Variants in ATG5 observed in about 807,000 individuals in gnomAD.
ATG5 encodes autophagy related 5.
A neutral mutation model predicts 36.5 loss-of-function variants in ATG5; 14 were observed. The observed-to-expected ratio is 0.38, with a 90% CI of 0.25 to 0.60. The LOEUF is 0.60. Among genes scored for constraint, ATG5 ranks in the 20% least tolerant of loss-of-function variants. ATG5 has a pLI of 0.60. For missense variants in ATG5, 195 were observed against 326.7 expected (o/e 0.60, Z 3.11); for synonymous variants, 95 against 101.5 (o/e 0.94, Z 0.38).
chr6:106,300,412 C>T (rs1770156687), intron 3 of ATG5, among the ~76,000 whole-genome samples: 1 of 152,138 alleles, frequency 6.6e-6, no homozygotes, highest in South Asian at 2.1e-4. Context: ...AAGCATTTTG[C>T]TAAAATCTAC....
At chr6:106,252,259 A>C (rs1166794737) in intron 5 of ATG5, among the ~76,000 whole-genome samples, 1 of 152,196 alleles carries the variant, frequency 6.6e-6, no homozygotes, top group Non-Finnish European at 1.5e-5. Flanking sequence ...TACTGATGTT[A>C]GTTTCTTTTT....
intron 5 of ATG5, among the ~76,000 whole-genome samples, chr6:106,251,524 A>AT (rs893919459): frequency 4.7e-5 from 7 of 149,000 alleles, no homozygotes; most frequent in African/African-American, 1.7e-4. Context: ...GGAAGACACG[A>AT]TAAAAAAAAA....
intron 6 of ATG5, among the ~76,000 whole-genome samples, chr6:106,230,992 C>T (rs1194848340): frequency 6.6e-6 from 1 of 152,082 alleles, no homozygotes; most frequent in Non-Finnish European, 1.5e-5. Context: ...CTCCCTACCC[C>T]AGCATCCCCC....
In ATG5 at chr6:106,185,023, A is replaced by T. The variant is rs1267561394; in HGVS notation, c.*1517T>A. 5.2e-5 allele frequency: 8 copies of T among 152,466 alleles called. No individual in the cohort carries two copies. The highest frequency in any genetic ancestry group is 5.2e-4 in the Admixed American group (8 of 15,284). The allele number at this position is 152,466 out of a possible 1,614,324, so 9.4% of individuals were successfully genotyped here. On this transcript the variant is annotated 3_prime_UTR_variant, in exon 8 of 8. Transcript: ENST00000369076. ...CTTTACTAAAATGGCACTTTCGTTT[A>T]CATCAACCAATTATTTTCTACTTGC...
At chr6:106,277,518 T>C (rs1475923481) in intron 5 of ATG5, among the ~76,000 whole-genome samples, 1 of 152,214 alleles carries the variant, frequency 6.6e-6, no homozygotes, top group Non-Finnish European at 1.5e-5. Context: ...CCGTTGGTTA[T>C]AAATATACAC....
intron 2 of ATG5, among the ~76,000 whole-genome samples, chr6:106,310,831 TAAC>T (rs1438238310): frequency 6.6e-6 from 1 of 152,234 alleles, no homozygotes; most frequent in Admixed American, 6.5e-5. Context: ...TTATTTCACT[TAAC>T]ATATGTCTTC....
chr6:106,227,355 G>C (rs1777487777), intron 6 of ATG5, among the ~76,000 whole-genome samples: 1 of 152,164 alleles, frequency 6.6e-6, no homozygotes. Flanking sequence ...CAGTATTTTG[G>C]GTGGCCAAGG....
Position 106,302,172 on chromosome 6 carries a change from T to C in ATG5, c.236+6192A>G, listed in dbSNP as rs543580650. Among the ~76,000 whole-genome samples the C allele has an allele frequency of 2.6e-5, 4 of 152,172 alleles. No individual in the cohort carries two copies. The East Asian group carries it at 7.7e-4, about 29-fold the overall frequency. On this transcript the variant is annotated intron_variant, in intron 3 of 7. Transcript: ENST00000369076. ...GAAGTATGAGCTACAGGAGGGAATA[T>C]ATGAATGAATAATTAATTACAACCA...
In ATG5 at chr6:106,325,632, T is replaced by C. The variant is rs1020478083; in HGVS notation, c.-165A>G. Reference sequence around the variant, plus strand: ...GGCAAGCTGCCCGCCTGACACACTGTCCTGCGGGGACGCGGTAGCAGGACT... The same window carrying C: ...GGCAAGCTGCCCGCCTGACACACTGCCCTGCGGGGACGCGGTAGCAGGACT... On this transcript the variant is annotated 5_prime_UTR_variant, in exon 1 of 8. Transcript: ENST00000369076. 10 of 152,844 alleles carry C rather than the reference T, an allele frequency of 6.5e-5. No individual in the cohort carries two copies. The highest frequency in any genetic ancestry group is 5.9e-4 in the Admixed American group (9 of 15,292). 9.5% of individuals were successfully genotyped at this position (152,844 alleles called of 1,614,324 possible). A position where few individuals can be genotyped will look rare whatever the true frequency, so the allele number is the denominator to read the frequency against.
intron 5 of ATG5, among the ~76,000 whole-genome samples, chr6:106,272,042 T>C (rs1779472971): frequency 6.6e-6 from 1 of 152,226 alleles, no homozygotes. Flanking sequence ...GACCATCCTA[T>C]TTAAAATAAC....
chr6:106,320,866 A>G (rs1373417865), intron 1 of ATG5, among the ~76,000 whole-genome samples: 1 of 152,236 alleles, frequency 6.6e-6, no homozygotes, highest in Non-Finnish European at 1.5e-5. Context: ...CAGTGCACAG[A>G]AGGGAGAGCC....
At chr6:106,290,242 CTATTT>C (rs141730376) in intron 4 of ATG5, among the ~76,000 whole-genome samples, 3,741 of 147,178 alleles carry the variant, frequency 0.025, 65 homozygotes, top group African/African-American at 0.05. Flanking sequence ...TTTTATTTAT[CTATTT>C]TATTTTATTT....
At chr6:106,303,512 G>C (rs565215698) in intron 3 of ATG5, among the ~76,000 whole-genome samples, 2 of 151,994 alleles carry the variant, frequency 1.3e-5, no homozygotes, top group Non-Finnish European at 2.9e-5. Context: ...ATTTTTACAC[G>C]ACCTTTTCCA....
chr6:106,256,651 T>C (rs1484533363), intron 5 of ATG5, among the ~76,000 whole-genome samples: 1 of 152,066 alleles, frequency 6.6e-6, no homozygotes, highest in Non-Finnish European at 1.5e-5. Context: ...CTATTGCTCC[T>C]AGGCTATAAA....
Position 106,186,511 on chromosome 6 carries a change from T to C in ATG5, c.*29A>G, listed in dbSNP as rs1409654196. Reference sequence around the variant, plus strand: ...TGCTCTGATAAATCCCATTTAAGGATGATTCTGTTCAGGCAAATAGTTGAT... The same window carrying C: ...TGCTCTGATAAATCCCATTTAAGGACGATTCTGTTCAGGCAAATAGTTGAT... On this transcript the variant is annotated 3_prime_UTR_variant, in exon 8 of 8. Coordinates refer to ENST00000369076, the MANE Select transcript of ATG5 (RefSeq NM_004849.4). The C allele has an allele frequency of 2.7e-5, 44 of 1,610,482 alleles. No individual in the cohort carries two copies. Among genetic ancestry groups the C allele is most frequent in the African/African-American group, 4.0e-5 (3 of 74,828 alleles).
Position 106,258,206 on chromosome 6 carries a change from C to CA in ATG5, c.479-9963dup, listed in dbSNP as rs1327161593. Among the ~76,000 whole-genome samples the CA allele has an allele frequency of 2.5e-3, 282 of 112,354 alleles. 1 individual carries two copies. The highest frequency in any genetic ancestry group is 4.3e-3 in the Middle Eastern group (1 of 230). 73.7% of individuals were successfully genotyped at this position (112,354 alleles called of 152,430 possible). A position where few individuals can be genotyped will look rare whatever the true frequency, so the allele number is the denominator to read the frequency against. On this transcript the variant is annotated intron_variant, in intron 5 of 7. Coordinates refer to ENST00000369076, the MANE Select transcript of ATG5 (RefSeq NM_004849.4). ...CAACATAGGTAGATCCCGTCTCTAA[C>CA]AAAAAAAAAAAATTAGCCAAGCATT...
At chr6:106,230,517 A>G (rs376331507) in intron 6 of ATG5, among the ~76,000 whole-genome samples, 1 of 152,192 alleles carries the variant, frequency 6.6e-6, no homozygotes, top group Non-Finnish European at 1.5e-5. Context: ...ATCAGTGAGC[A>G]TAACTAATCC....
intron 4 of ATG5, among the ~76,000 whole-genome samples, chr6:106,285,120 A>G (rs1780026441): frequency 6.6e-6 from 1 of 152,090 alleles, no homozygotes; most frequent in African/African-American, 2.4e-5. Context: ...CCATCTCTCT[A>G]TTCTCCAAAC....
chr6:106,283,275 G>A (rs1779949036), intron 4 of ATG5: 1 of 152,078 alleles, frequency 6.6e-6, no homozygotes, highest in African/African-American at 2.4e-5. Context: ...GTCTTTATCA[G>A]GTTTCAGTAT....
Sources: allele counts gnomAD v4.1 joint callset (sites outside exome capture counted in the v4.1 genomes callset), GRCh38; gene constraint gnomAD v4.1.1; transcripts MANE v1.5; gene names NCBI Gene and HGNC (gene_info 2026-07-23, HGNC 2026-07-21).